DNAH7: variants seen among roughly 807,000 people sequenced by gnomAD.
The protein encoded by DNAH7 is dynein axonemal heavy chain 7.
Under a neutral mutation model 444.6 loss-of-function variants are expected in DNAH7, and 397 were observed. The ratio of observed to expected loss-of-function variants is 0.89; its 90% CI spans 0.82 to 0.97. The LOEUF is 0.97. Among genes scored for constraint, DNAH7 ranks in the 50% least tolerant of loss-of-function variants. The probability of loss-of-function intolerance (pLI) is 0.00; values close to 1 mark genes in which losing one functional copy is unlikely to be tolerated. For synonymous variants in DNAH7, 1,636 were observed against 1,624.4 expected, an observed-to-expected ratio of 1.01 and a Z score of -0.17; for missense variants, 4,902 against 4,800.8, an observed-to-expected ratio of 1.02 and a Z score of -0.62.
intron 3 of DNAH7, among the ~76,000 whole-genome samples, chr2:196,048,685 G>A (rs565087090): frequency 6.6e-6 from 1 of 152,298 alleles, no homozygotes; most frequent in African/African-American, 2.4e-5. Context: ...CCCAGATATT[G>A]TCAAGTGTCT....
chr2:195,866,831 T>C (rs1700368738), intron 40 of DNAH7, among the ~76,000 whole-genome samples: 3 of 152,308 alleles, frequency 2.0e-5, no homozygotes, highest in South Asian at 4.1e-4. Context: ...CCACGTGTTG[T>C]GGGAGGAACC....
At chr2:196,041,859 C>A (rs769620709) in intron 5 of DNAH7, among the ~76,000 whole-genome samples, 1 of 151,174 alleles carries the variant, frequency 6.6e-6, no homozygotes, top group Non-Finnish European at 1.5e-5. Flanking sequence ...AACTCAACAA[C>A]AAATAATAAT....
intron 11 of DNAH7, 23 bp downstream of exon 11, chr2:196,001,652 T>C (rs565425859): frequency 2.7e-6 from 4 of 1,483,572 alleles, no homozygotes; most frequent in African/African-American, 1.4e-5. Context: ...TAAATACATA[T>C]TGGTGAACTG....
chr2:195,926,473 T>C lies in DNAH7; in HGVS notation c.3565A>G (p.Ile1189Val), dbSNP rs758528292. ...GTTTGTACTTCTTTTGTCCAAAAGA[T>C]TTGGGATACACAGAGAACAGTCTGT... ...PGQTVLCVSQ[I>V]FWTKEVQTAI... The change falls in exon 22 of 65, where the codon ATC becomes GTC. Residue 1189 changes from isoleucine to valine, a missense_variant. Physicochemically the swap from Ile to Val is conservative, Grantham distance 29 (BLOSUM62 3). Coordinates refer to ENST00000312428, the MANE Select transcript of DNAH7 (RefSeq NM_018897.3). The C allele has an allele frequency of 1.9e-6, 3 of 1,602,760 alleles. No homozygotes were observed. The highest frequency in any genetic ancestry group is 2.6e-6 in the Non-Finnish European group (3 of 1,175,416).
chr2:195,977,971 A>C (rs1196652896), intron 15 of DNAH7, among the ~76,000 whole-genome samples: 1 of 152,226 alleles, frequency 6.6e-6, no homozygotes, highest in Non-Finnish European at 1.5e-5. Context: ...CATCAACACC[A>C]GACCTGTCCT....
At chr2:195,945,518 T>G (rs1559255856) in intron 19 of DNAH7, among the ~76,000 whole-genome samples, 1 of 152,212 alleles carries the variant, frequency 6.6e-6, no homozygotes, top group Non-Finnish European at 1.5e-5. Context: ...GCTGGTCACT[T>G]TCACTTTTTC....
At chr2:196,067,456 C>T (rs1016526404) in intron 1 of DNAH7, among the ~76,000 whole-genome samples, 8 of 56,552 alleles carry the variant, frequency 1.4e-4, no homozygotes, top group Non-Finnish European at 5.0e-4. Context: ...TTACTTGTAT[C>T]TGAACTTTTT....
intron 61 of DNAH7, among the ~76,000 whole-genome samples, chr2:195,770,465 GC>G (rs1256115786): frequency 6.6e-6 from 1 of 152,068 alleles, no homozygotes. Flanking sequence ...TAGCCAATCA[GC>G]CTTTCTACTT....
At chr2:195,951,616 GCTC>G (rs1174085965) in intron 19 of DNAH7, among the ~76,000 whole-genome samples, 1 of 152,066 alleles carries the variant, frequency 6.6e-6, no homozygotes, top group Non-Finnish European at 1.5e-5. Flanking sequence ...GAATCTGGGT[GCTC>G]CTATGTTGGG....
intron 64 of DNAH7, among the ~76,000 whole-genome samples, chr2:195,739,668 G>A (rs1490887945): frequency 6.6e-6 from 1 of 152,142 alleles, no homozygotes; most frequent in Admixed American, 6.5e-5. Flanking sequence ...TATATACAGT[G>A]GACCTCACTA....
chr2:195,749,003 A>T (rs1297283497), intron 63 of DNAH7, among the ~76,000 whole-genome samples: 1 of 152,168 alleles, frequency 6.6e-6, no homozygotes, highest in Non-Finnish European at 1.5e-5. Context: ...ATTAAACTAA[A>T]GAGCTTCTGC....
chr2:195,923,733 G>A lies in DNAH7; in HGVS notation c.3687C>T (p.Ser1229=). ...CTCCCAGAGTTACGCGATTCTGCATGGACAATTTGCCACGCACCAAAGTGA... is the reference window on the plus strand; with the variant it reads ...CTCCCAGAGTTACGCGATTCTGCATAGACAATTTGCCACGCACCAAAGTGA... The part of the protein sequence containing the change: ...DIVTLVRGKL[S]MQNRVTLGAL... Residue 1229 remains serine (S), a synonymous_variant, in exon 23 of 65, where the codon TCC becomes TCT. Coordinates refer to ENST00000312428, the MANE Select transcript of DNAH7 (RefSeq NM_018897.3). 1 of 1,614,032 alleles carries A rather than the reference G, an allele frequency of 6.2e-7. No homozygotes were observed. Among genetic ancestry groups the A allele is most frequent in the South Asian group, 1.1e-5 (1 of 91,078 alleles).
At chr2:195,868,089 CTTT>C (rs58317384) in intron 40 of DNAH7, among the ~76,000 whole-genome samples, 5 of 101,054 alleles carry the variant, frequency 4.9e-5, no homozygotes, top group African/African-American at 1.2e-4. Flanking sequence ...TATTATTCAT[CTTT>C]TTTTTTTTTT....
At chr2:195,813,101 C>T (rs532446054) in intron 51 of DNAH7, among the ~76,000 whole-genome samples, 8 of 152,210 alleles carry the variant, frequency 5.3e-5, no homozygotes, top group East Asian at 1.9e-4. Context: ...AGATACATAT[C>T]GGCACCAAAA....
chr2:195,902,209 A>G (rs1488332124), intron 27 of DNAH7: 2 of 152,038 alleles, frequency 1.3e-5, no homozygotes, highest in Admixed American at 1.3e-4. Context: ...GAAGATTTGT[A>G]TCAAGTAAGA....
At chr2:195,948,649 A>C (rs780345119) in intron 19 of DNAH7, among the ~76,000 whole-genome samples, 1 of 152,096 alleles carries the variant, frequency 6.6e-6, no homozygotes, top group Non-Finnish European at 1.5e-5. Flanking sequence ...CCATTGGTCT[A>C]TATCTCTGTT....
chr2:195,897,749 T>G lies in DNAH7; in HGVS notation c.4565A>C (p.Glu1522Ala). 1 of 1,577,048 alleles carries G rather than the reference T, an allele frequency of 6.3e-7. No individual in the cohort carries two copies. Among genetic ancestry groups the G allele is most frequent in the Non-Finnish European group, 8.6e-7 (1 of 1,160,642 alleles). The change falls in exon 29 of 65, where the codon GAA becomes GCA. Residue 1522 changes from glutamate to alanine, a missense_variant. Coordinates refer to ENST00000312428, the MANE Select transcript of DNAH7 (RefSeq NM_018897.3). ...TCTAAGCAGCAAAATTTCTTCATTT[T>G]CATTTGGATATTTCAGCTAAAAAAA... is the stretch of plus-strand genomic sequence containing the variant. ...AGNLKLKYPN[E>A]NEEILLLRSI... is the part of the protein sequence containing the mutation.
chr2:195,771,103 C>G (rs1694816451), intron 61 of DNAH7, among the ~76,000 whole-genome samples: 1 of 152,070 alleles, frequency 6.6e-6, no homozygotes, highest in African/African-American at 2.4e-5. Flanking sequence ...GGGAGTATCA[C>G]TTGAGCCCAG....
chr2:196,026,717 GAC>G lies in DNAH7; in HGVS notation c.667+41_667+42del, dbSNP rs769279222. The G allele has an allele frequency of 8.2e-5, 112 of 1,358,984 alleles. 1 individual carries two copies. The Admixed American group carries it at 1.3e-3, about 16-fold the overall frequency. The allele number at this position is 1,358,984 out of a possible 1,614,324, so 84.2% of individuals were successfully genotyped here. On this transcript the variant is annotated intron_variant, in intron 7 of 64. Transcript: ENST00000312428. ...TTAATACAAAAATAATCTTTAATGAGACACATATTTGAATTAAAAATCAAAGC... is the reference window on the plus strand; with the variant it reads ...TTAATACAAAAATAATCTTTAATGAGACATATTTGAATTAAAAATCAAAGC...
Sources: gnomAD v4.1 joint callset for allele counts (sites outside exome capture counted in the v4.1 genomes callset) on GRCh38, gnomAD v4.1.1 for gene constraint, MANE v1.5 for transcripts, NCBI Gene and HGNC (gene_info 2026-07-23, HGNC 2026-07-21) for gene names.